The following BCAS3 variants were observed in gnomAD, a reference collection of about 807,000 sequenced individuals.
BCAS3 encodes BCAS3 microtubule associated cell migration factor, also known as BCAS4/BCAS3 fusion.
Under a neutral mutation model 116.1 loss-of-function variants are expected in BCAS3, and 53 were observed. The observed-to-expected ratio is 0.46, with a 90% CI of 0.37 to 0.57. The LOEUF (loss-of-function observed/expected upper bound fraction) is 0.57. BCAS3 is among the 20% of genes least tolerant of loss of function. The pLI, the probability that BCAS3 is intolerant of heterozygous loss-of-function variation, is 0.00. For missense variants in BCAS3, 917 were observed against 1,165.4 expected, an observed-to-expected ratio of 0.79 and a Z score of 3.10; for synonymous variants, 391 against 408.2, an observed-to-expected ratio of 0.96 and a Z score of 0.51.
At chr17:60,746,925 A>G (rs939344114) in intron 5 of BCAS3, among the ~76,000 whole-genome samples, 5 of 152,166 alleles carry the variant, frequency 3.3e-5, no homozygotes, top group Non-Finnish European at 7.3e-5. Context: ...CAGATTTCTA[A>G]TGGTTTAATA....
chr17:60,854,765 G>T (rs1038839862), intron 7 of BCAS3, among the ~76,000 whole-genome samples: 5 of 152,108 alleles, frequency 3.3e-5, no homozygotes, highest in Admixed American at 6.5e-5. Flanking sequence ...AACTAGTTCA[G>T]CCATTGTGAT....
At chr17:60,737,384 A>G (rs1420301584) in intron 5 of BCAS3, among the ~76,000 whole-genome samples, 9 of 152,030 alleles carry the variant, frequency 5.9e-5, no homozygotes, top group Non-Finnish European at 1.5e-5. Context: ...TCTGTTTTCA[A>G]TTTCATTGAT....
intron 7 of BCAS3, among the ~76,000 whole-genome samples, chr17:60,867,565 T>C: frequency 6.6e-6 from 1 of 152,228 alleles, no homozygotes; most frequent in East Asian, 1.9e-4. Context: ...TATAAAAATA[T>C]ACCTGATGTT....
chr17:61,124,495 G>C lies in BCAS3; in HGVS notation c.2425+39931G>C, dbSNP rs1361528531. On this transcript the variant is annotated intron_variant, in intron 22 of 23. Coordinates refer to ENST00000407086, the MANE Select transcript of BCAS3 (RefSeq NM_017679.5). This position sits in a 1 kb window ranked among gnomAD's most constrained non-coding sequence, Gnocchi z 4.6. ...GATCCATAGAAGTATTGGCATTCTT[G>C]TACCAGTTATTCATATTTCACTGCA... Among the ~76,000 whole-genome samples the C allele has an allele frequency of 6.6e-6, 1 of 152,060 alleles. No individual in the cohort carries two copies. Among genetic ancestry groups the C allele is most frequent in the Non-Finnish European group, 1.5e-5 (1 of 68,018 alleles).
chr17:60,852,322 T>C (rs2053247473), intron 7 of BCAS3, among the ~76,000 whole-genome samples: 1 of 152,236 alleles, frequency 6.6e-6, no homozygotes, highest in East Asian at 1.9e-4. Flanking sequence ...TGTAACATCG[T>C]TGGTTGTGGT....
At position 61,233,992 on chromosome 17, in the gene BCAS3, T is replaced by C. The variant is rs76553097; in HGVS notation, c.2426-134335T>C. On this transcript the variant is annotated intron_variant, in intron 22 of 23. Coordinates refer to ENST00000407086, the MANE Select transcript of BCAS3 (RefSeq NM_017679.5). The surrounding 1 kb of genome is among the most constrained non-coding windows in gnomAD (Gnocchi z 4.3). ...ATATCAGGTTTGGTTTTTTTTTTTTTCACTTAGTACCCACATCATGGAGCA... is the reference window on the plus strand; with the variant it reads ...ATATCAGGTTTGGTTTTTTTTTTTTCCACTTAGTACCCACATCATGGAGCA... Among the ~76,000 whole-genome samples the C allele has an allele frequency of 6.6e-5, 10 of 152,126 alleles. No individual in the cohort carries two copies. Among genetic ancestry groups the C allele is most frequent in the South Asian group, 6.2e-4 (3 of 4,818 alleles).
At chr17:61,049,146 G>A (rs1429323509) in intron 19 of BCAS3, among the ~76,000 whole-genome samples, 1 of 151,666 alleles carries the variant, frequency 6.6e-6, no homozygotes, top group East Asian at 1.9e-4. Context: ...GAAAACATTT[G>A]AAAAATTAGC....
intron 11 of BCAS3, among the ~76,000 whole-genome samples, chr17:60,907,057 GATAA>G (rs1476959377): frequency 6.6e-6 from 1 of 152,046 alleles, no homozygotes; most frequent in Non-Finnish European, 1.5e-5. Context: ...CAATTGTGAG[GATAA>G]ATATATTCAT....
intron 4 of BCAS3, among the ~76,000 whole-genome samples, chr17:60,708,810 G>T (rs1349672117): frequency 6.6e-6 from 1 of 152,130 alleles, no homozygotes; most frequent in Non-Finnish European, 1.5e-5. Context: ...TCACAGATGT[G>T]AGCCACCGGG....
At chr17:60,697,943 GC>G (rs1223188380) in intron 4 of BCAS3, among the ~76,000 whole-genome samples, 4 of 152,150 alleles carry the variant, frequency 2.6e-5, no homozygotes, top group Non-Finnish European at 5.9e-5. Flanking sequence ...ACTTTGGGAG[GC>G]TGGGGCAGGC....
chr17:60,905,973 G>A (rs546424238), intron 11 of BCAS3, among the ~76,000 whole-genome samples: 63 of 152,300 alleles, frequency 4.1e-4, no homozygotes, highest in African/African-American at 1.3e-3. Flanking sequence ...GCCTGCACAT[G>A]TGGTTACAAA....
intron 6 of BCAS3, among the ~76,000 whole-genome samples, chr17:60,761,707 T>C (rs1369420889): frequency 1.3e-5 from 2 of 151,888 alleles, no homozygotes; most frequent in Non-Finnish European, 2.9e-5. Flanking sequence ...TTATAATCCT[T>C]TGGGTATATA....
At position 61,243,997 on chromosome 17, in the gene BCAS3, C is replaced by T. The variant is rs985872901; in HGVS notation, c.2426-124330C>T. Among the ~76,000 whole-genome samples the T allele has an allele frequency of 1.3e-5, 2 of 151,944 alleles. No homozygotes were observed. The highest frequency in any genetic ancestry group is 4.8e-5 in the African/African-American group (2 of 41,352). ...CAAGAGACAGAGTCTTGCTATGTTGCCCCAGCTGGTCCTGAACTCCTGGCC... is the reference window on the plus strand; with the variant it reads ...CAAGAGACAGAGTCTTGCTATGTTGTCCCAGCTGGTCCTGAACTCCTGGCC... On this transcript the variant is annotated intron_variant, in intron 22 of 23. Coordinates refer to ENST00000407086, the MANE Select transcript of BCAS3 (RefSeq NM_017679.5). The surrounding 1 kb of genome is among the most constrained non-coding windows in gnomAD (Gnocchi z 5.6).
At chr17:60,694,341 A>G in intron 4 of BCAS3, among the ~76,000 whole-genome samples, 1 of 151,920 alleles carries the variant, frequency 6.6e-6, no homozygotes, top group East Asian at 2.0e-4. Flanking sequence ...TCTTTACTAA[A>G]AAAACAAAAA....
At chr17:60,920,709 A>G (rs1409212640) in intron 12 of BCAS3, among the ~76,000 whole-genome samples, 21 of 152,132 alleles carry the variant, frequency 1.4e-4, no homozygotes, top group Admixed American at 1.4e-3. Flanking sequence ...TCTCTACTAA[A>G]AACACAAAAA....
At chr17:60,820,943 A>T (rs956604064) in intron 7 of BCAS3, among the ~76,000 whole-genome samples, 1 of 152,226 alleles carries the variant, frequency 6.6e-6, no homozygotes, top group Non-Finnish European at 1.5e-5. Context: ...TTTATTTATT[A>T]ATAAAACTAA....
chr17:61,290,673 G>C (rs905491899), intron 22 of BCAS3, among the ~76,000 whole-genome samples: 1 of 152,066 alleles, frequency 6.6e-6, no homozygotes, highest in African/African-American at 2.4e-5. Context: ...ATAGTCAAAT[G>C]CCCATTACTT....
At chr17:60,732,232 A>G (rs1457957939) in intron 5 of BCAS3, among the ~76,000 whole-genome samples, 1 of 152,186 alleles carries the variant, frequency 6.6e-6, no homozygotes, top group Non-Finnish European at 1.5e-5. Flanking sequence ...TTTTTAAACT[A>G]CTGATCTTTT....
intron 15 of BCAS3, among the ~76,000 whole-genome samples, chr17:61,003,080 C>G (rs1263205246): frequency 6.6e-6 from 1 of 151,736 alleles, no homozygotes; most frequent in Non-Finnish European, 1.5e-5. Context: ...GTTTTTTTCT[C>G]AGTTGGTTTT....
Sources: allele counts gnomAD v4.1 joint callset (sites outside exome capture counted in the v4.1 genomes callset), GRCh38; gene constraint gnomAD v4.1.1; non-coding constraint Gnocchi (gnomAD v3.1); transcripts MANE v1.5; gene names NCBI Gene and HGNC (gene_info 2026-07-23, HGNC 2026-07-21).